The following GMCL1 variants were observed in gnomAD, a reference collection of about 807,000 sequenced individuals.
GMCL1 encodes the protein germ cell-less protein-like 1.
A neutral mutation model predicts 75.5 loss-of-function variants in GMCL1; 54 were observed. The ratio of observed to expected loss-of-function variants is 0.71; its 90% confidence interval spans 0.57 to 0.90. The LOEUF (loss-of-function observed/expected upper bound fraction) is 0.90. GMCL1 is among the 40% of genes least tolerant of loss of function. The probability of loss-of-function intolerance (pLI) is 0.00; values close to 1 mark genes in which losing one functional copy is unlikely to be tolerated. For missense variants in GMCL1, 537 were observed against 622.7 expected (o/e 0.86, Z 1.47); for synonymous variants, 210 against 209.6 (o/e 1.00, Z -0.02).
At chr2:69,835,200 C>G (rs1674784005) in intron 1 of GMCL1, among the ~76,000 whole-genome samples, 1 of 151,796 alleles carries the variant, frequency 6.6e-6, no homozygotes, top group African/African-American at 2.4e-5. Context: ...GAAGGATCAC[C>G]CAACATGAGG....
chr2:69,846,669 A>G (rs1191297279), intron 6 of GMCL1, among the ~76,000 whole-genome samples: 1 of 152,228 alleles, frequency 6.6e-6, no homozygotes, highest in Non-Finnish European at 1.5e-5. Flanking sequence ...GAAAAGCAAA[A>G]CAAAACAAAT....
At chr2:69,834,383 G>A (rs553001245) in intron 1 of GMCL1, among the ~76,000 whole-genome samples, 3 of 152,104 alleles carry the variant, frequency 2.0e-5, no homozygotes, top group East Asian at 1.9e-4. Flanking sequence ...TTTCTTTCTC[G>A]CTTATTTTAG....
chr2:69,859,409 A>G (rs933430525), intron 9 of GMCL1, among the ~76,000 whole-genome samples: 1 of 151,826 alleles, frequency 6.6e-6, no homozygotes, highest in Non-Finnish European at 1.5e-5. Context: ...TTACCTATGA[A>G]GACAAATTAT....
At chr2:69,841,623 G>A (rs2872076) in intron 4 of GMCL1, among the ~76,000 whole-genome samples, 31,423 of 151,946 alleles carry the variant, frequency 0.21, 3,416 homozygotes, top group African/African-American at 0.25. Flanking sequence ...AGGGGAGGGA[G>A]GGTTGATATA....
At chr2:69,878,874 C>G (rs778599009) in intron 13 of GMCL1, 35 bp from the exon 14 acceptor site, 1 of 1,422,410 alleles carries the variant, frequency 7.0e-7, no homozygotes, top group South Asian at 1.2e-5. Context: ...TTTATTTTAT[C>G]TAATTGTCAT....
chr2:69,837,398 A>G, intron 1 of GMCL1, 149 bp from the exon 2 acceptor site: 2 of 651,862 alleles, frequency 3.1e-6, no homozygotes, highest in South Asian at 5.0e-5. Flanking sequence ...GAAAATTTGA[A>G]TATATACTAT....
At chr2:69,855,603 A>G (rs889455189) in intron 9 of GMCL1, among the ~76,000 whole-genome samples, 8 of 152,114 alleles carry the variant, frequency 5.3e-5, no homozygotes, top group African/African-American at 1.9e-4. Flanking sequence ...ACATAGCTAT[A>G]TGTTTATAGA....
At chr2:69,852,152 G>T (rs13394875) in intron 8 of GMCL1, among the ~76,000 whole-genome samples, 2 of 152,176 alleles carry the variant, frequency 1.3e-5, no homozygotes, top group Non-Finnish European at 2.9e-5. Context: ...AGACTCAGTA[G>T]AAACAGTAGA....
At chr2:69,867,892 G>A (rs557871453) in intron 11 of GMCL1, among the ~76,000 whole-genome samples, 35 of 152,294 alleles carry the variant, frequency 2.3e-4, no homozygotes, top group South Asian at 1.0e-3. Flanking sequence ...CCTTAAAAGG[G>A]CAATGCTCCC....
At chr2:69,848,348 G>C (rs538783840) in intron 7 of GMCL1, among the ~76,000 whole-genome samples, 1 of 152,316 alleles carries the variant, frequency 6.6e-6, no homozygotes, top group South Asian at 2.1e-4. Flanking sequence ...CTATGGTAGA[G>C]GTGAAATTTT....
chr2:69,844,864 C>A, intron 6 of GMCL1: 1 of 377,808 alleles, frequency 2.6e-6, no homozygotes, highest in South Asian at 2.0e-5. Flanking sequence ...TGAACCAGGT[C>A]AAGGTATTCC....
intron 8 of GMCL1, among the ~76,000 whole-genome samples, chr2:69,853,581 G>A (rs886940861): frequency 6.6e-6 from 1 of 152,072 alleles, no homozygotes; most frequent in Non-Finnish European, 1.5e-5. Flanking sequence ...ATCCTTAATA[G>A]CAACAGGACT....
intron 13 of GMCL1, chr2:69,873,606 C>T: frequency 6.4e-6 from 1 of 156,092 alleles, no homozygotes; most frequent in Non-Finnish European, 1.4e-5. Flanking sequence ...GCAGCATGCT[C>T]AGGAGCCAGC....
At position 69,871,738 on chromosome 2, in the gene GMCL1, A is replaced by G. The variant is rs1240573118; in HGVS notation, c.1365-7A>G. The G allele has an allele frequency of 1.4e-6, 2 of 1,446,780 alleles. No homozygotes were observed. The highest frequency in any genetic ancestry group is 2.0e-5 in the Admixed American group (1 of 50,220). 89.6% of individuals were successfully genotyped at this position (1,446,780 alleles called of 1,614,324 possible). A position where few individuals can be genotyped will look rare whatever the true frequency, so the allele number is the denominator to read the frequency against. ...GTGTTTATTTTTTATTTTTTTTTTA[A>G]TCCTAGATTACGTTTGGCTTCTTTT... On this transcript the variant is annotated splice_region_variant and splice_polypyrimidine_tract_variant and intron_variant, in intron 12 of 13. Coordinates refer to ENST00000282570, the MANE Select transcript of GMCL1 (RefSeq NM_178439.5).
At position 69,830,153 on chromosome 2, in the gene GMCL1, G is replaced by A; in HGVS notation, c.260+1G>A. On this transcript the variant is annotated splice_donor_variant, in intron 1 of 13. Transcript: ENST00000282570. LOFTEE classifies it high-confidence loss of function. ...AGCGGCTCCTCAACACCCCTCGAAG[G>A]TACGTGGGGGCACGCACCCGCGCGG... 1 of 1,558,572 alleles carries A rather than the reference G, an allele frequency of 6.4e-7. No individual in the cohort carries two copies. Among genetic ancestry groups the A allele is most frequent in the South Asian group, 1.2e-5 (1 of 84,696 alleles).
rs561196894 is a variant in GMCL1 at position 69,839,122 on chromosome 2, G to GC, written c.385-333dup. Among the ~76,000 whole-genome samples, 693 of 148,532 alleles carry GC rather than the reference G, an allele frequency of 4.7e-3. 7 individuals carry two copies. The highest frequency in any genetic ancestry group is 0.016 in the African/African-American group (597 of 37,876). On this transcript the variant is annotated intron_variant, in intron 2 of 13. Transcript: ENST00000282570. ...CTTGGGACTGGTTTGGTCCTTTATA[G>GC]CCATTCAGGTGTACAGTAAAGATTC...
At position 69,865,010 on chromosome 2, in the gene GMCL1, C is replaced by T. The variant is rs201816300; in HGVS notation, c.1218+35C>T. On this transcript the variant is annotated intron_variant, in intron 11 of 13. Transcript: ENST00000282570. ...GGTTGTGACTGTTAATATTCTTATA[C>T]AAATTGTATTATCAGCACATCCTGC... 7 of 1,474,958 alleles carry T rather than the reference C, an allele frequency of 4.7e-6. No individual in the cohort carries two copies. The South Asian group carries it at 5.7e-5, about 12-fold the overall frequency. 91.4% of individuals were successfully genotyped at this position (1,474,958 alleles called of 1,614,324 possible).
Position 69,830,114 on chromosome 2 carries a change from G to A in GMCL1, c.222G>A (p.Glu74=). The A allele has an allele frequency of 6.3e-7, 1 of 1,578,788 alleles. No homozygotes were observed. Among genetic ancestry groups the A allele is most frequent in the East Asian group, 2.3e-5 (1 of 43,388 alleles). ...CGGAGACGGACGAGGATGAGGAGGA[G>A]GGGGACGAGCAGCAGCGGCTCCTCA... ...PDSETDEDEE[E]GDEQQRLLNT... Residue 74 remains glutamate (E), a synonymous_variant, in exon 1 of 14, where the codon GAG becomes GAA. Coordinates refer to ENST00000282570, the MANE Select transcript of GMCL1 (RefSeq NM_178439.5).
At chr2:69,832,219 CAAAA>C (rs774662812) in intron 1 of GMCL1, among the ~76,000 whole-genome samples, 1 of 117,832 alleles carries the variant, frequency 8.5e-6, no homozygotes, top group East Asian at 2.5e-4. Context: ...GACTCTGTCT[CAAAA>C]AAAAAAAAAA....
Sources: allele counts gnomAD v4.1 joint callset (sites outside exome capture counted in the v4.1 genomes callset), GRCh38; gene constraint gnomAD v4.1.1; transcripts MANE v1.5; gene names NCBI Gene and HGNC (gene_info 2026-07-23, HGNC 2026-07-21).